The following HOMER2 variants were observed in gnomAD, a reference collection of about 807,000 sequenced individuals.
HOMER2 encodes homer scaffold protein 2.
Under a neutral mutation model 47.0 loss-of-function variants are expected in HOMER2, and 27 were observed. The ratio of observed to expected loss-of-function variants is 0.57; its 90% CI spans 0.42 to 0.79. The LOEUF is 0.79. Ranked by LOEUF, HOMER2 falls within the 30% of genes least tolerant of loss-of-function variation. The pLI is 0.00. For missense variants in HOMER2, 443 were observed against 435.0 expected (o/e 1.02, Z -0.16); for synonymous variants, 161 against 163.8 (o/e 0.98, Z 0.13).
At chr15:82,919,969 C>T (rs751086319) in intron 1 of HOMER2, among the ~76,000 whole-genome samples, 9 of 152,188 alleles carry the variant, frequency 5.9e-5, no homozygotes, top group Non-Finnish European at 1.5e-5. Flanking sequence ...AAACACAGCC[C>T]GTCTTCCCAT....
At chr15:82,931,102 CA>C (rs959127209) in intron 1 of HOMER2, among the ~76,000 whole-genome samples, 9,723 of 127,054 alleles carry the variant, frequency 0.077, 468 homozygotes, top group African/African-American at 0.17. Context: ...GACACTGTAT[CA>C]AAAAAAAAAA....
chr15:82,875,738 T>C (rs1043177541), intron 2 of HOMER2, among the ~76,000 whole-genome samples: 2 of 152,170 alleles, frequency 1.3e-5, no homozygotes, highest in Non-Finnish European at 2.9e-5. Flanking sequence ...CGCATCAGAG[T>C]GCCCTTAATG....
intron 6 of HOMER2, among the ~76,000 whole-genome samples, chr15:82,853,375 C>T (rs752147018): frequency 1.3e-5 from 2 of 152,214 alleles, no homozygotes; most frequent in East Asian, 1.9e-4. Context: ...TGCCAGGCCT[C>T]GGGTGGGAAC....
intron 1 of HOMER2, among the ~76,000 whole-genome samples, chr15:82,944,089 T>C (rs1441038848): frequency 1.3e-5 from 2 of 152,196 alleles, no homozygotes; most frequent in Non-Finnish European, 2.9e-5. Context: ...TGTCTAAATG[T>C]GTTCCCCACA....
At chr15:82,880,446 T>C (rs988071406) in intron 2 of HOMER2, among the ~76,000 whole-genome samples, 4 of 152,180 alleles carry the variant, frequency 2.6e-5, no homozygotes, top group African/African-American at 4.8e-5. Flanking sequence ...GAAAGGCCCA[T>C]TGAAGGACTT....
intron 1 of HOMER2, among the ~76,000 whole-genome samples, chr15:82,904,803 A>G (rs73446989): frequency 0.011 from 1,644 of 152,310 alleles, 31 homozygotes; most frequent in African/African-American, 0.038. Flanking sequence ...CCTTATCACC[A>G]CATTACTAAA....
At chr15:82,934,168 C>T (rs2054085650) in intron 1 of HOMER2, among the ~76,000 whole-genome samples, 2 of 152,158 alleles carry the variant, frequency 1.3e-5, no homozygotes. Context: ...GGAAGGGTAT[C>T]CTGGTGGCCC....
At chr15:82,909,982 A>C (rs368219380) in intron 1 of HOMER2, among the ~76,000 whole-genome samples, 1 of 151,870 alleles carries the variant, frequency 6.6e-6, no homozygotes, top group African/African-American at 2.4e-5. Flanking sequence ...TAAAAATACA[A>C]ATTAGCCAGG....
upstream of HOMER2, among the ~76,000 whole-genome samples, chr15:82,955,573 A>AT (rs1028346243): frequency 4.6e-5 from 7 of 151,126 alleles, no homozygotes; most frequent in Non-Finnish European, 7.4e-5. Context: ...GACTTCAAAC[A>AT]TTTTTTTTTC....
downstream of HOMER2, chr15:82,844,680 T>G (rs1199746301): frequency 6.6e-6 from 1 of 152,200 alleles, no homozygotes; most frequent in Non-Finnish European, 1.5e-5. Context: ...ATATTATTTA[T>G]GTACCAAGAA....
chr15:82,939,104 C>G (rs961966756), intron 1 of HOMER2, among the ~76,000 whole-genome samples: 2 of 152,218 alleles, frequency 1.3e-5, no homozygotes, highest in African/African-American at 4.8e-5. Flanking sequence ...AGTGTTAGAG[C>G]TGAATTTATA....
intron 1 of HOMER2, among the ~76,000 whole-genome samples, chr15:82,982,648 TGTATTTG>T (rs961878167): frequency 1.3e-5 from 2 of 152,228 alleles, no homozygotes; most frequent in African/African-American, 4.8e-5. Flanking sequence ...TTTTGTATTT[TGTATTTG>T]GGGATTAGGG....
intron 1 of HOMER2, among the ~76,000 whole-genome samples, chr15:82,922,332 T>C (rs1179071039): frequency 6.6e-6 from 1 of 152,224 alleles, no homozygotes; most frequent in African/African-American, 2.4e-5. Flanking sequence ...CTACAGGCAT[T>C]GAGGCATTAA....
intron 1 of HOMER2, among the ~76,000 whole-genome samples, 166 bp from the exon 2 acceptor site, chr15:82,893,007 C>T (rs2052768626): frequency 1.3e-5 from 2 of 152,126 alleles, no homozygotes; most frequent in African/African-American, 4.8e-5. Flanking sequence ...AAAAAAGAGA[C>T]ACCAGTGAGT....
intron 1 of HOMER2, among the ~76,000 whole-genome samples, chr15:82,950,172 G>A (rs111416304): frequency 5.3e-5 from 8 of 152,132 alleles, no homozygotes; most frequent in African/African-American, 7.2e-5. Context: ...GGGAAGCCAC[G>A]GGGTGTGCCT....
rs377215319 is a variant in HOMER2, at chr15:82,868,944, C to A, written c.295-4685G>T. Reference sequence around the variant, plus strand: ...GACGGAAGACTGGTTAATGGGCTCACCAGAGCCATGACAGTTTACTCATTC... The same window carrying A: ...GACGGAAGACTGGTTAATGGGCTCAACAGAGCCATGACAGTTTACTCATTC... On this transcript the variant is annotated intron_variant, in intron 3 of 8. Transcript: ENST00000450735. Among the ~76,000 whole-genome samples the A allele has an allele frequency of 3.9e-5, 6 of 152,200 alleles. No individual in the cohort carries two copies. The East Asian group carries it at 9.7e-4, about 24-fold the overall frequency.
chr15:82,972,152 T>G (rs1183054008), intron 1 of HOMER2, among the ~76,000 whole-genome samples: 1 of 152,186 alleles, frequency 6.6e-6, no homozygotes, highest in Non-Finnish European at 1.5e-5. Context: ...TTTCAGAATG[T>G]TTCCATTAGC....
At chr15:82,904,041 G>GT (rs1474684044) in intron 1 of HOMER2, among the ~76,000 whole-genome samples, 1 of 152,108 alleles carries the variant, frequency 6.6e-6, no homozygotes, top group African/African-American at 2.4e-5. Context: ...AGAGGCTGAG[G>GT]TGGGAGGATC....
intron 4 of HOMER2, among the ~76,000 whole-genome samples, chr15:82,861,443 A>T (rs1164853940): frequency 6.6e-6 from 1 of 152,230 alleles, no homozygotes; most frequent in African/African-American, 2.4e-5. Flanking sequence ...ATCCTGGAAA[A>T]GTATGTTAGA....
Sources: gnomAD v4.1 joint callset for allele counts (sites outside exome capture counted in the v4.1 genomes callset) on GRCh38, gnomAD v4.1.1 for gene constraint, MANE v1.5 for transcripts, NCBI Gene and HGNC (gene_info 2026-07-23, HGNC 2026-07-21) for gene names.